NGEF: variants seen among roughly 807,000 people sequenced by gnomAD.
NGEF encodes neuronal guanine nucleotide exchange factor, also known as ephexin-1.
In NGEF, 31 loss-of-function variants were observed where a neutral mutation model predicts 80.9. The ratio of observed to expected loss-of-function variants is 0.38; its 90% CI spans 0.29 to 0.52. The LOEUF (loss-of-function observed/expected upper bound fraction) is 0.52. NGEF is among the 20% of genes least tolerant of loss of function. The probability of loss-of-function intolerance (pLI) is 0.84; values close to 1 mark genes in which losing one functional copy is unlikely to be tolerated. For synonymous variants in NGEF, 371 were observed against 370.2 expected, an observed-to-expected ratio of 1.00 and a Z score of -0.03; for missense variants, 709 against 926.2, an observed-to-expected ratio of 0.77 and a Z score of 3.04.
chr2:232,938,098 T>A (rs1485604646), intron 3 of NGEF, among the ~76,000 whole-genome samples: 2 of 152,168 alleles, frequency 1.3e-5, no homozygotes, highest in Non-Finnish European at 2.9e-5. Flanking sequence ...TCAATGGTCA[T>A]GGGAAGCAGA....
chr2:232,908,773 G>A (rs996012007), intron 5 of NGEF, among the ~76,000 whole-genome samples: 2 of 151,414 alleles, frequency 1.3e-5, no homozygotes, highest in African/African-American at 4.9e-5. Context: ...TTGCCAGGAC[G>A]TATTCTCATC....
At chr2:232,930,621 G>A (rs1693198139) in intron 3 of NGEF, among the ~76,000 whole-genome samples, 1 of 151,868 alleles carries the variant, frequency 6.6e-6, no homozygotes, top group Admixed American at 6.6e-5. Flanking sequence ...GATTATAGGT[G>A]TGAGCCACCA....
At chr2:233,007,227 G>A (rs1335521720) in intron 1 of NGEF, among the ~76,000 whole-genome samples, 1 of 152,156 alleles carries the variant, frequency 6.6e-6, no homozygotes, top group Non-Finnish European at 1.5e-5. Flanking sequence ...CTGAGCAACA[G>A]AGCAAGACCC....
In NGEF at chr2:233,004,816, C is replaced by T. The variant is rs561199910; in HGVS notation, c.-75+8252G>A. Reference sequence around the variant, plus strand: ...CCTCATCCTGCTGGGGGCCTTTCTTCGGGGCTGTGTGGACATTTGGTTGAG... The same window carrying T: ...CCTCATCCTGCTGGGGGCCTTTCTTTGGGGCTGTGTGGACATTTGGTTGAG... On this transcript the variant is annotated intron_variant, in intron 1 of 14. Coordinates refer to ENST00000264051, the MANE Select transcript of NGEF (RefSeq NM_019850.3). Among the ~76,000 whole-genome samples, 10 of 151,964 alleles carry T rather than the reference C, an allele frequency of 6.6e-5. No homozygotes were observed. The East Asian group carries it at 1.4e-3, about 21-fold the overall frequency.
chr2:232,954,071 T>A (rs1023491762), intron 3 of NGEF, among the ~76,000 whole-genome samples: 1 of 152,194 alleles, frequency 6.6e-6, no homozygotes, highest in Admixed American at 6.5e-5. Flanking sequence ...GAGCCGAATG[T>A]CTACCGAGGG....
At chr2:232,914,045 G>C (rs1488183927) in intron 5 of NGEF, among the ~76,000 whole-genome samples, 1 of 152,184 alleles carries the variant, frequency 6.6e-6, no homozygotes, top group Non-Finnish European at 1.5e-5. Flanking sequence ...CTTTAGACTA[G>C]GGGTCAGCAA....
intron 6 of NGEF, 151 bp downstream of exon 6, chr2:232,894,605 A>T: frequency 2.3e-6 from 2 of 859,010 alleles, no homozygotes; most frequent in Non-Finnish European, 1.6e-6. Context: ...GTTTGGATTT[A>T]GTTCTTCATT....
chr2:232,927,624 G>A (rs1163043197), intron 3 of NGEF, among the ~76,000 whole-genome samples: 1 of 152,082 alleles, frequency 6.6e-6, no homozygotes, highest in Non-Finnish European at 1.5e-5. Flanking sequence ...GATGCCGAGC[G>A]GGACGCGCAC....
chr2:233,010,875 C>T (rs1695188962), intron 1 of NGEF, among the ~76,000 whole-genome samples: 1 of 152,128 alleles, frequency 6.6e-6, no homozygotes, highest in South Asian at 2.1e-4. Flanking sequence ...TGACCTCTCC[C>T]AAGGTGGGGA....
At chr2:233,009,563 C>T (rs1045930745) in intron 1 of NGEF, among the ~76,000 whole-genome samples, 1 of 151,826 alleles carries the variant, frequency 6.6e-6, no homozygotes, top group African/African-American at 2.4e-5. Flanking sequence ...CTTTGGGAGG[C>T]CAAGGTGGGA....
At chr2:233,004,376 C>G (rs1201508666) in intron 1 of NGEF, among the ~76,000 whole-genome samples, 1 of 152,204 alleles carries the variant, frequency 6.6e-6, no homozygotes, top group African/African-American at 2.4e-5. Flanking sequence ...GCAGCCCTCT[C>G]ATGGCCTCCT....
At chr2:232,896,938 T>G (rs1574998250) in intron 5 of NGEF, among the ~76,000 whole-genome samples, 1 of 95,816 alleles carries the variant, frequency 1.0e-5, no homozygotes, top group Non-Finnish European at 2.1e-5. Context: ...AGGGTAGGGG[T>G]GAGGGTGAGG....
At chr2:232,885,408 G>A (rs2292726) in intron 9 of NGEF, 39 bp from the exon 10 acceptor site, 433,352 of 1,567,170 alleles carry the variant, frequency 0.28, 61,762 homozygotes, top group African/African-American at 0.35. Context: ...CACCAAAGCC[G>A]GCTGTCCCGG....
intron 1 of NGEF, among the ~76,000 whole-genome samples, chr2:233,001,074 G>C (rs369550766): frequency 3.4e-4 from 52 of 152,294 alleles, no homozygotes; most frequent in African/African-American, 1.1e-3. Flanking sequence ...CCCATCCTGA[G>C]TGCCACTTCC....
chr2:232,935,750 G>A (rs998119072), intron 3 of NGEF, among the ~76,000 whole-genome samples: 6 of 152,032 alleles, frequency 3.9e-5, no homozygotes, highest in Non-Finnish European at 4.4e-5. Context: ...CTATTTTCAG[G>A]GTCACATGGT....
intron 5 of NGEF, among the ~76,000 whole-genome samples, chr2:232,902,898 G>A (rs760796170): frequency 1.1e-4 from 16 of 152,348 alleles, no homozygotes; most frequent in Non-Finnish European, 2.4e-4. Flanking sequence ...GGAGGCTCAG[G>A]TGGAAGAATC....
At chr2:232,965,421 A>G (rs1694036855) in intron 3 of NGEF, among the ~76,000 whole-genome samples, 1 of 152,176 alleles carries the variant, frequency 6.6e-6, no homozygotes, top group South Asian at 2.1e-4. Context: ...CCAGTATGAG[A>G]AGACAGTGAC....
Position 232,957,157 on chromosome 2 carries a change from A to G in NGEF, c.383+13057T>C, listed in dbSNP as rs1021228261. ...ATTAAAAGAATAAGTACGATAAGCT[A>G]GAATAACCAAAATAAGGCAAAATAA... On this transcript the variant is annotated intron_variant, in intron 3 of 14. Coordinates refer to ENST00000264051, the MANE Select transcript of NGEF (RefSeq NM_019850.3). Among the ~76,000 whole-genome samples the G allele has an allele frequency of 1.5e-3, 232 of 152,332 alleles. 3 individuals are homozygous for G. Among genetic ancestry groups the G allele is most frequent in the Non-Finnish European group, 5.9e-4 (40 of 68,022 alleles).
At chr2:232,919,394 C>A (rs1420669722) in intron 5 of NGEF, among the ~76,000 whole-genome samples, 1 of 151,958 alleles carries the variant, frequency 6.6e-6, no homozygotes, top group Non-Finnish European at 1.5e-5. Flanking sequence ...GAAGAGGACA[C>A]AAATGATGGA....
Sources: allele counts gnomAD v4.1 joint callset (sites outside exome capture counted in the v4.1 genomes callset), GRCh38; gene constraint gnomAD v4.1.1; transcripts MANE v1.5; gene names NCBI Gene and HGNC (gene_info 2026-07-23, HGNC 2026-07-21).